SETBP1: variants seen among roughly 807,000 people sequenced by gnomAD.
The protein encoded by SETBP1 is SET-binding protein.
Under a neutral mutation model 101.0 loss-of-function variants are expected in SETBP1, and 9 were observed. The observed-to-expected ratio is 0.09, with a 90% CI of 0.05 to 0.16. The LOEUF (loss-of-function observed/expected upper bound fraction) is 0.16, where lower values mean the gene tolerates loss of function less well. Ranked by LOEUF, SETBP1 falls within the 10% of genes least tolerant of loss-of-function variation. The probability of loss-of-function intolerance (pLI) is 1.00; values close to 1 mark genes in which losing one functional copy is unlikely to be tolerated. For synonymous variants in SETBP1, 818 were observed against 788.5 expected (o/e 1.04, Z -0.63); for missense variants, 1,858 against 2,033.8 (o/e 0.91, Z 1.66).
chr18:44,742,534 T>G (rs1369803542), intron 2 of SETBP1, among the ~76,000 whole-genome samples: 1 of 152,224 alleles, frequency 6.6e-6, no homozygotes, highest in East Asian at 1.9e-4. Flanking sequence ...CAGAAGCAGC[T>G]ATTGCCATGA....
intron 1 of SETBP1, among the ~76,000 whole-genome samples, chr18:44,692,576 GGA>G (rs1280490236): frequency 2.0e-5 from 3 of 152,172 alleles, no homozygotes; most frequent in African/African-American, 7.2e-5. Context: ...TGGTCTAGTG[GGA>G]GAGAGAGGCA....
chr18:44,826,457 G>A (rs1167468786), intron 2 of SETBP1, among the ~76,000 whole-genome samples: 1 of 152,154 alleles, frequency 6.6e-6, no homozygotes, highest in Non-Finnish European at 1.5e-5. Flanking sequence ...CCAGGGCCCA[G>A]TGGCTGGGCT....
chr18:44,983,840 A>T (rs1379000166), intron 4 of SETBP1, among the ~76,000 whole-genome samples: 2 of 152,146 alleles, frequency 1.3e-5, no homozygotes, highest in Non-Finnish European at 2.9e-5. Context: ...ACCTTTTCTC[A>T]ACTTCAATTT....
intron 2 of SETBP1, among the ~76,000 whole-genome samples, chr18:44,835,771 T>C (rs2072482987): frequency 1.3e-5 from 2 of 152,244 alleles, no homozygotes; most frequent in Admixed American, 1.3e-4. Flanking sequence ...AGACCAACTC[T>C]GTGTCCACTT....
chr18:45,063,028 G>A lies in SETBP1; in HGVS notation c.4172-51G>A, dbSNP rs756901190. On this transcript the variant is annotated intron_variant, in intron 5 of 5. Transcript: ENST00000649279. ...TAGCTGTCAGTGAAGAGGCTGAGTT[G>A]AAGGCACCTTGCATCCTGTGCTCAA... 1.9e-6 allele frequency: 3 copies of A among 1,610,884 alleles called. No individual in the cohort carries two copies. The East Asian group carries it at 6.7e-5, about 36-fold the overall frequency.
intron 2 of SETBP1, among the ~76,000 whole-genome samples, chr18:44,848,351 G>A (rs1402335562): frequency 6.6e-6 from 1 of 152,152 alleles, no homozygotes; most frequent in Non-Finnish European, 1.5e-5. Flanking sequence ...GGCGAAATGA[G>A]CAGATTAGCA....
intron 3 of SETBP1, among the ~76,000 whole-genome samples, chr18:44,889,922 A>G (rs1037052617): frequency 2.0e-5 from 3 of 152,190 alleles, no homozygotes; most frequent in Non-Finnish European, 2.9e-5. Flanking sequence ...AGGATTTTTA[A>G]ATTCAGTCAG....
intron 3 of SETBP1, among the ~76,000 whole-genome samples, chr18:44,924,396 G>T (rs1010004259): frequency 6.6e-6 from 1 of 152,146 alleles, no homozygotes; most frequent in African/African-American, 2.4e-5. Flanking sequence ...TGTATTTAGA[G>T]CTTTGAAGAG....
chr18:44,742,723 C>T (rs956264480), intron 2 of SETBP1, among the ~76,000 whole-genome samples: 1 of 152,206 alleles, frequency 6.6e-6, no homozygotes, highest in African/African-American at 2.4e-5. Flanking sequence ...GTGTCCTTAG[C>T]AACCTCCAGG....
chr18:44,754,186 G>T (rs1033997620), intron 2 of SETBP1, among the ~76,000 whole-genome samples: 1 of 152,118 alleles, frequency 6.6e-6, no homozygotes, highest in African/African-American at 2.4e-5. Context: ...CACTCTGCAG[G>T]TTATTCCTAG....
intron 2 of SETBP1, among the ~76,000 whole-genome samples, chr18:44,807,861 AGGGTG>A (rs1019198373): frequency 6.6e-6 from 1 of 152,164 alleles, no homozygotes; most frequent in African/African-American, 2.4e-5. Flanking sequence ...TGGCAGCTTC[AGGGTG>A]GGGGAAGTGA....
At chr18:44,836,433 C>T (rs1002932286) in intron 2 of SETBP1, among the ~76,000 whole-genome samples, 1 of 152,184 alleles carries the variant, frequency 6.6e-6, no homozygotes, top group African/African-American at 2.4e-5. Flanking sequence ...TTAGGCCCAG[C>T]CAGGCCAAGC....
chr18:45,013,106 A>G (rs1371095301), intron 4 of SETBP1, among the ~76,000 whole-genome samples: 14 of 152,252 alleles, frequency 9.2e-5, no homozygotes, highest in Admixed American at 9.2e-4. Context: ...CACAAACTCC[A>G]GGTTGAGCCC....
chr18:44,791,720 CGAGA>C (rs111572062), intron 2 of SETBP1, among the ~76,000 whole-genome samples: 16 of 147,052 alleles, frequency 1.1e-4, no homozygotes, highest in Middle Eastern at 3.5e-3. Flanking sequence ...CCTGTGGGGG[CGAGA>C]GAGAGAGAGA....
chr18:44,708,044 G>A (rs2069259979), intron 2 of SETBP1, among the ~76,000 whole-genome samples: 1 of 152,176 alleles, frequency 6.6e-6, no homozygotes, highest in Admixed American at 6.5e-5. Flanking sequence ...CGTGGGTGAG[G>A]AGGGGTCTAT....
chr18:44,889,413 T>A (rs529837308), intron 3 of SETBP1, among the ~76,000 whole-genome samples: 35 of 152,308 alleles, frequency 2.3e-4, no homozygotes, highest in African/African-American at 8.2e-4. Context: ...CTTGGATCAG[T>A]TAGCTTAGAC....
At chr18:44,699,272 A>G (rs907877778) in intron 1 of SETBP1, among the ~76,000 whole-genome samples, 2 of 152,168 alleles carry the variant, frequency 1.3e-5, no homozygotes, top group Non-Finnish European at 2.9e-5. Context: ...CATGGCTTGC[A>G]ATTTGCATGG....
At chr18:44,793,629 A>G (rs1390553646) in intron 2 of SETBP1, among the ~76,000 whole-genome samples, 1 of 152,172 alleles carries the variant, frequency 6.6e-6, no homozygotes, top group Admixed American at 6.5e-5. Context: ...AGAACAATAG[A>G]TTGGATAACT....
chr18:44,938,522 G>T (rs150799560), intron 3 of SETBP1, among the ~76,000 whole-genome samples: 255 of 152,352 alleles, frequency 1.7e-3, no homozygotes, highest in African/African-American at 5.4e-3. Context: ...TATCTCTCCA[G>T]ATAAAGCCTC....
Sources: gnomAD v4.1 joint callset for allele counts (sites outside exome capture counted in the v4.1 genomes callset) on GRCh38, gnomAD v4.1.1 for gene constraint, MANE v1.5 for transcripts, NCBI Gene and HGNC (gene_info 2026-07-23, HGNC 2026-07-21) for gene names.